The following NAALADL2 variants were observed in gnomAD, a reference collection of about 807,000 sequenced individuals.
NAALADL2 encodes inactive N-acetylated-alpha-linked acidic dipeptidase-like protein 2.
Under a neutral mutation model 87.2 loss-of-function variants are expected in NAALADL2, and 76 were observed. That is an observed-to-expected ratio of 0.87 (90% CI 0.72 to 1.05). The LOEUF (loss-of-function observed/expected upper bound fraction) is 1.05. NAALADL2 is among the 50% of genes least tolerant of loss of function. The probability of loss-of-function intolerance (pLI) is 0.00; values close to 1 mark genes in which losing one functional copy is unlikely to be tolerated. For synonymous variants in NAALADL2, 354 were observed against 331.0 expected (o/e 1.07, Z -0.75); for missense variants, 1,089 against 945.8 (o/e 1.15, Z -1.99).
At chr3:174,699,363 C>T (rs1041811415) in intron 2 of NAALADL2, among the ~76,000 whole-genome samples, 4 of 150,466 alleles carry the variant, frequency 2.7e-5, no homozygotes, top group Non-Finnish European at 5.9e-5. Context: ...TGTGGTGGCA[C>T]GTGCCTGTAG....
At chr3:174,628,147 A>C (rs1721751285) in intron 2 of NAALADL2, among the ~76,000 whole-genome samples, 1 of 152,204 alleles carries the variant, frequency 6.6e-6, no homozygotes, top group Admixed American at 6.5e-5. Flanking sequence ...CAAGTCTTTG[A>C]AGATACAAGT....
intron 3 of NAALADL2, among the ~76,000 whole-genome samples, chr3:174,793,150 A>G (rs947831351): frequency 2.0e-5 from 3 of 152,186 alleles, no homozygotes; most frequent in African/African-American, 7.2e-5. Flanking sequence ...ACAATATTTC[A>G]ACTTGTTTTG....
rs114677579 is a variant in NAALADL2, at chr3:175,407,764, G to A, written c.1091-39465G>A. ...CAGGATGCATGAAACTGGGTAAATC[G>A]GTTTGTTTTATTTTCTGCCAATAAG... On this transcript the variant is annotated intron_variant, in intron 5 of 13. Coordinates refer to ENST00000454872, the MANE Select transcript of NAALADL2 (RefSeq NM_207015.3). Among the ~76,000 whole-genome samples the A allele has an allele frequency of 7.7e-3, 1,168 of 152,172 alleles. 18 individuals are homozygous for A. The highest frequency in any genetic ancestry group is 0.027 in the African/African-American group (1,115 of 41,558).
At chr3:175,254,987 T>G (rs1337010262) in intron 3 of NAALADL2, among the ~76,000 whole-genome samples, 3 of 152,206 alleles carry the variant, frequency 2.0e-5, no homozygotes, top group Non-Finnish European at 2.9e-5. Context: ...CCATAGCATA[T>G]GCTGGACACC....
intron 1 of NAALADL2, among the ~76,000 whole-genome samples, chr3:174,900,940 T>C (rs1732232621): frequency 1.3e-5 from 2 of 152,122 alleles, no homozygotes; most frequent in South Asian, 4.1e-4. Flanking sequence ...TAATTACTCA[T>C]TGAAAATATA....
intron 3 of NAALADL2, among the ~76,000 whole-genome samples, chr3:174,846,262 G>T (rs1724604585): frequency 6.6e-6 from 1 of 152,190 alleles, no homozygotes. Flanking sequence ...GGTATACTAG[G>T]TTTCTGTGGT....
chr3:175,208,292 A>G (rs1580934004), intron 2 of NAALADL2, among the ~76,000 whole-genome samples: 1 of 152,110 alleles, frequency 6.6e-6, no homozygotes, highest in South Asian at 2.1e-4. Flanking sequence ...TTAAAAGTCT[A>G]TTCGGAATAC....
At chr3:175,192,709 A>T (rs1404491130) in intron 2 of NAALADL2, among the ~76,000 whole-genome samples, 1 of 152,080 alleles carries the variant, frequency 6.6e-6, no homozygotes, top group African/African-American at 2.4e-5. Flanking sequence ...CAACGATGTT[A>T]GCCAAATATA....
At chr3:174,763,829 CAA>C (rs5854592) in intron 3 of NAALADL2, among the ~76,000 whole-genome samples, 1,573 of 138,170 alleles carry the variant, frequency 0.011, 14 homozygotes, top group Non-Finnish European at 0.015. Flanking sequence ...CAAAACAAAA[CAA>C]AAAAAAAAAA....
chr3:175,703,561 G>T (rs1739271803), intron 11 of NAALADL2, among the ~76,000 whole-genome samples: 1 of 152,040 alleles, frequency 6.6e-6, no homozygotes, highest in African/African-American at 2.4e-5. Context: ...TGACCAACAT[G>T]GTGAAACCCC....
chr3:174,915,924 CA>C (rs2108324112), intron 1 of NAALADL2, among the ~76,000 whole-genome samples: 1 of 152,160 alleles, frequency 6.6e-6, no homozygotes, highest in East Asian at 1.9e-4. Flanking sequence ...AAATAATCAG[CA>C]GAGTAAACAG....
rs556119794 is a variant in NAALADL2 at position 174,530,205 on chromosome 3, G to T, written c.-183-20364G>T. ...CTAAATTATCTCTCTCAAGTTCAAA[G>T]TTCCACAAATCTCTAGGATAGAGGC... On this transcript the variant is annotated intron_variant, in intron 1 of 3. Transcript: ENST00000434257. Among the ~76,000 whole-genome samples the T allele has an allele frequency of 4.6e-5, 7 of 152,192 alleles. No individual in the cohort carries two copies. The South Asian group carries it at 1.5e-3, about 32-fold the overall frequency.
chr3:174,923,148 A>G (rs1309623643), intron 1 of NAALADL2, among the ~76,000 whole-genome samples: 1 of 152,190 alleles, frequency 6.6e-6, no homozygotes, highest in African/African-American at 2.4e-5. Flanking sequence ...AATAGAATTT[A>G]AGGAAGTATC....
At chr3:174,666,213 A>G (rs1024697494) in intron 2 of NAALADL2, among the ~76,000 whole-genome samples, 3 of 152,190 alleles carry the variant, frequency 2.0e-5, no homozygotes, top group African/African-American at 7.2e-5. Context: ...ATTTCTATTA[A>G]GTCAAAAATA....
intron 2 of NAALADL2, among the ~76,000 whole-genome samples, chr3:174,664,337 A>C (rs551840620): frequency 6.6e-6 from 1 of 152,328 alleles, no homozygotes; most frequent in East Asian, 1.9e-4. Flanking sequence ...GACATATTGC[A>C]TGAAGGATAG....
intron 4 of NAALADL2, among the ~76,000 whole-genome samples, chr3:175,269,293 A>G (rs1280942388): frequency 1.3e-5 from 2 of 152,222 alleles, no homozygotes; most frequent in Non-Finnish European, 2.9e-5. Context: ...GCAAAAATAT[A>G]CATAGTATAG....
intron 4 of NAALADL2, among the ~76,000 whole-genome samples, chr3:175,300,921 T>C (rs928093775): frequency 1.3e-5 from 2 of 152,026 alleles, no homozygotes; most frequent in African/African-American, 4.8e-5. Context: ...TTTATATTTC[T>C]AGTAGAGATG....
In NAALADL2 at chr3:174,983,095, G is replaced by T. The variant is rs577954781; in HGVS notation, c.44-113695G>T. The stretch of plus-strand genomic sequence containing the variant: ...TTACAGGCGTGAGCCACCGCGCCCA[G>T]CCAAAAGAACTTTTATTACTCCTAG... On this transcript the variant is annotated intron_variant, in intron 1 of 13. Transcript: ENST00000454872. 2.6e-5 allele frequency among the ~76,000 whole-genome samples: 4 copies of T among 152,280 alleles called. No individual in the cohort carries two copies. The South Asian group carries it at 8.3e-4, about 32-fold the overall frequency.
chr3:175,625,821 G>A (rs530168361), intron 10 of NAALADL2, among the ~76,000 whole-genome samples: 3 of 152,068 alleles, frequency 2.0e-5, no homozygotes, highest in African/African-American at 7.2e-5. Context: ...AGGTATGTCT[G>A]TTGATTAAAC....
Sources: gnomAD v4.1 joint callset for allele counts (sites outside exome capture counted in the v4.1 genomes callset) on GRCh38, gnomAD v4.1.1 for gene constraint, MANE v1.5 for transcripts, NCBI Gene and HGNC (gene_info 2026-07-23, HGNC 2026-07-21) for gene names.